NCOA1: variants seen among roughly 807,000 people sequenced by gnomAD.
NCOA1 encodes the protein Hin-2 protein.
In NCOA1, 35 loss-of-function variants were observed where a neutral mutation model predicts 150.9. The ratio of observed to expected loss-of-function variants is 0.23; its 90% confidence interval spans 0.18 to 0.31. The LOEUF is 0.31. Among genes scored for constraint, NCOA1 ranks in the 10% least tolerant of loss-of-function variants. The probability of loss-of-function intolerance (pLI) is 1.00; values close to 1 mark genes in which losing one functional copy is unlikely to be tolerated. For missense variants in NCOA1, 1,491 were observed against 1,749.3 expected (o/e 0.85, Z 2.63); for synonymous variants, 590 against 630.0 (o/e 0.94, Z 0.95).
At position 24,566,815 on chromosome 2, in the gene NCOA1, C is replaced by G. The variant is rs537702790; in HGVS notation, c.-260+2385C>G. Among the ~76,000 whole-genome samples, 446 of 152,368 alleles carry G rather than the reference C, an allele frequency of 2.9e-3. 3 individuals are homozygous for G. Among genetic ancestry groups the G allele is most frequent in the Non-Finnish European group, 5.2e-3 (354 of 68,032 alleles). On this transcript the variant is annotated intron_variant, in intron 2 of 22. Transcript: ENST00000348332. The stretch of plus-strand genomic sequence containing the variant: ...GGTTGCAACAGTGCCCGGCCTTGGC[C>G]TCAACTTTGCTCCGAGATTGGAGCA...
At chr2:24,612,601 T>C (rs1251268445) in intron 3 of NCOA1, among the ~76,000 whole-genome samples, 2 of 152,176 alleles carry the variant, frequency 1.3e-5, no homozygotes, top group African/African-American at 2.4e-5. Context: ...TTCTTTTTTC[T>C]TTATTTTTGT....
intron 4 of NCOA1, among the ~76,000 whole-genome samples, chr2:24,653,666 TGTAACTTA>T (rs1421770905): frequency 9.2e-5 from 14 of 152,314 alleles, no homozygotes; most frequent in African/African-American, 3.4e-4. Flanking sequence ...ACAAAATAAT[TGTAACTTA>T]TAGCACATTG....
chr2:24,501,159 A>G (rs528091424), intron 1 of NCOA1, among the ~76,000 whole-genome samples: 7 of 152,264 alleles, frequency 4.6e-5, no homozygotes, highest in Non-Finnish European at 8.8e-5. Context: ...AAACCTTTGC[A>G]TAAATGGTGA....
intron 3 of NCOA1, among the ~76,000 whole-genome samples, chr2:24,589,955 TC>T (rs1231832825): frequency 6.6e-6 from 1 of 152,158 alleles, no homozygotes. Flanking sequence ...ATATCATCTT[TC>T]TACCCTAATT....
At position 24,739,524 on chromosome 2, in the gene NCOA1, T is replaced by C. The variant is rs372582305; in HGVS notation, c.3294T>C (p.Ile1098=). Reference sequence around the variant, plus strand: ...TGAGATCAGGCATGCAACAGCAAATTACACCTCAGGTAATGTGAGAAAACC... The same window carrying C: ...TGAGATCAGGCATGCAACAGCAAATCACACCTCAGGTAATGTGAGAAAACC... ...INMRSGMQQQ[I]TPQPPLNAQM... The change falls in exon 18 of 23, where the codon ATT becomes ATC. Residue 1098 remains isoleucine, a synonymous_variant. Transcript: ENST00000348332. 6.2e-7 allele frequency: 1 copy of C among 1,612,102 alleles called. No individual in the cohort carries two copies. The highest frequency in any genetic ancestry group is 1.1e-5 in the South Asian group (1 of 91,040).
chr2:24,547,062 A>C (rs1357414304), intron 1 of NCOA1, among the ~76,000 whole-genome samples: 5 of 152,184 alleles, frequency 3.3e-5, no homozygotes. Context: ...AGGTGGAATG[A>C]CATGTGCACA....
At chr2:24,715,461 CAG>C (rs1292681583) in intron 14 of NCOA1, among the ~76,000 whole-genome samples, 2 of 151,826 alleles carry the variant, frequency 1.3e-5, no homozygotes, top group Non-Finnish European at 2.9e-5. Context: ...ATTTTTTTAA[CAG>C]AAAAATATTC....
At chr2:24,564,032 C>A (rs1666396168) in intron 1 of NCOA1, among the ~76,000 whole-genome samples, 5 of 152,242 alleles carry the variant, frequency 3.3e-5, no homozygotes, top group Admixed American at 2.6e-4. Flanking sequence ...CAATTGATTT[C>A]ATGCCTCCTT....
intron 2 of NCOA1, among the ~76,000 whole-genome samples, chr2:24,570,701 A>C (rs1365408202): frequency 6.6e-6 from 1 of 152,242 alleles, no homozygotes; most frequent in African/African-American, 2.4e-5. Flanking sequence ...TCTTGCCAAA[A>C]AAGTTGAACC....
rs369622360 is a variant in NCOA1, at chr2:24,706,805, C to T, written c.1335C>T (p.Pro445=). 4.5e-5 allele frequency: 73 copies of T among 1,614,030 alleles called. No homozygotes were observed. Among genetic ancestry groups the T allele is most frequent in the Middle Eastern group, 3.3e-4 (2 of 6,082 alleles). Residue 445 remains proline (P), a synonymous_variant, in exon 13 of 23, where the codon CCC becomes CCT. Transcript: ENST00000348332. ...SNSQGSFGCS[P]GSQIVANVAL... Reference sequence around the variant, plus strand: ...GCCAAGGAAGTTTCGGATGCTCACCCGGAAGTCAGATTGTAGCCAATGTTG... The same window carrying T: ...GCCAAGGAAGTTTCGGATGCTCACCTGGAAGTCAGATTGTAGCCAATGTTG...
At chr2:24,537,797 TTCTA>T (rs142121723) in intron 1 of NCOA1, among the ~76,000 whole-genome samples, 451 of 152,298 alleles carry the variant, frequency 3.0e-3, no homozygotes, top group African/African-American at 9.9e-3. Flanking sequence ...GCAATCATGT[TTCTA>T]TCTATCTATA....
intron 14 of NCOA1, among the ~76,000 whole-genome samples, chr2:24,720,375 CT>C (rs1674296223): frequency 6.6e-6 from 1 of 152,212 alleles, no homozygotes; most frequent in Non-Finnish European, 1.5e-5. Flanking sequence ...TATCTGCTAG[CT>C]TTGCAAGTTG....
In NCOA1 at chr2:24,513,458, TACTC is replaced by T. The variant is rs570729277; in HGVS notation, c.-396+21859_-396+21862del. 4.7e-4 allele frequency among the ~76,000 whole-genome samples: 71 copies of T among 152,302 alleles called. 1 individual carries two copies. The highest frequency in any genetic ancestry group is 3.1e-3 in the Admixed American group (48 of 15,302). On this transcript the variant is annotated intron_variant, in intron 1 of 22. Transcript: ENST00000348332. ...TTTCATGGCTACATCACAATTTACT[TACTC>T]ACGCTCCTCTGGGTGGTTATTAGGT...
chr2:24,666,987 A>G (rs1671460297), intron 6 of NCOA1, among the ~76,000 whole-genome samples: 1 of 152,226 alleles, frequency 6.6e-6, no homozygotes, highest in Non-Finnish European at 1.5e-5. Context: ...GGAGTGCCAC[A>G]GAAAAAGTGC....
At chr2:24,727,104 C>G (rs1040373517) in intron 15 of NCOA1, among the ~76,000 whole-genome samples, 1 of 144,228 alleles carries the variant, frequency 6.9e-6, no homozygotes, top group African/African-American at 2.6e-5. Flanking sequence ...CGCCATTGCA[C>G]TCCAGCCTGG....
At chr2:24,576,776 C>T (rs1169072226) in intron 2 of NCOA1, among the ~76,000 whole-genome samples, 1 of 152,102 alleles carries the variant, frequency 6.6e-6, no homozygotes, top group African/African-American at 2.4e-5. Context: ...GCAGAAGAGT[C>T]CCTAGTTGTC....
At chr2:24,738,864 A>G (rs1000615060) in intron 17 of NCOA1, among the ~76,000 whole-genome samples, 3 of 152,176 alleles carry the variant, frequency 2.0e-5, no homozygotes, top group Non-Finnish European at 4.4e-5. Flanking sequence ...AGTTAAATAA[A>G]TAATCCATTT....
intron 17 of NCOA1, among the ~76,000 whole-genome samples, chr2:24,734,804 TAA>T (rs58003936): frequency 6.7e-6 from 1 of 149,128 alleles, no homozygotes. Flanking sequence ...ACCTTGTCTC[TAA>T]AAAAAAAAAT....
rs536797796 is a variant in NCOA1, at chr2:24,559,219, C to G, written c.-395-5076C>G. ...AGGTGATCCTCTTTTGCTGCTGCCT[C>G]TGTCAGGTTGTTTGTGTTGGAGGCT... On this transcript the variant is annotated intron_variant, in intron 1 of 22. Transcript: ENST00000348332. Among the ~76,000 whole-genome samples the G allele has an allele frequency of 9.8e-5, 15 of 152,290 alleles. No homozygotes were observed. In the East Asian group the frequency reaches 2.9e-3, roughly 29 times the overall value.
Sources: gnomAD v4.1 joint callset for allele counts (sites outside exome capture counted in the v4.1 genomes callset) on GRCh38, gnomAD v4.1.1 for gene constraint, MANE v1.5 for transcripts, NCBI Gene and HGNC (gene_info 2026-07-23, HGNC 2026-07-21) for gene names.